FRMPD3: variants seen among roughly 807,000 people sequenced by gnomAD.
FRMPD3 encodes the protein FERM and PDZ domain-containing protein 3.
Under a neutral mutation model 97.9 loss-of-function variants are expected in FRMPD3, and 42 were observed. The ratio of observed to expected loss-of-function variants is 0.43; its 90% CI spans 0.34 to 0.55. The LOEUF (loss-of-function observed/expected upper bound fraction) is 0.55, where lower values mean the gene tolerates loss of function less well. Among genes scored for constraint, FRMPD3 ranks in the 20% least tolerant of loss-of-function variants. FRMPD3 has a pLI of 0.03. For synonymous variants in FRMPD3, 577 were observed against 581.1 expected (o/e 0.99, Z 0.10); for missense variants, 1,303 against 1,457.7 (o/e 0.89, Z 1.73).
chrX:107,484,884 C>T (rs995781595), intron 1 of FRMPD3, among the ~76,000 whole-genome samples: 6 of 112,197 alleles, frequency 5.3e-5, no homozygotes, highest in Admixed American at 3.8e-4. Flanking sequence ...TCGTTTTCCC[C>T]GTGCCTGCTT....
chrX:107,554,455 T>C lies in FRMPD3; in HGVS notation c.713T>C (p.Val238Ala). The C allele has an allele frequency of 8.3e-7, 1 of 1,210,314 alleles. No homozygotes were observed. Among genetic ancestry groups the C allele is most frequent in the Non-Finnish European group, 1.1e-6 (1 of 894,999 alleles). The part of the protein sequence containing the change: ...FRISFFPKDP[V>A]ELLRRDPAAF... ...ATAAGCTTCTTTCCCAAAGACCCTG[T>C]GGAGCTGCTGCGTCGGGATCCTGCT... The change falls in exon 8 of 15, where the codon GTG becomes GCG. Residue 238 changes from valine (V) to alanine (A), a missense_variant. Physicochemically the swap from Val to Ala is moderately conservative, Grantham distance 64. Around this residue, in one of 3 missense-constraint regions of FRMPD3, gnomAD observed 535 missense variants for 618.6 expected, o/e 0.86. Coordinates refer to ENST00000683843, the MANE Select transcript of FRMPD3 (RefSeq NM_001388459.1).
chrX:107,588,026 C>T (rs1287293701), intron 13 of FRMPD3, among the ~76,000 whole-genome samples: 3 of 111,214 alleles, frequency 2.7e-5, no homozygotes, highest in East Asian at 2.8e-4. Flanking sequence ...CCACCCACCT[C>T]GGCCTCCCAA....
At chrX:107,570,938 A>T (rs1292561927) in intron 12 of FRMPD3, among the ~76,000 whole-genome samples, 1 of 111,814 alleles carries the variant, frequency 8.9e-6, no homozygotes, top group African/African-American at 3.3e-5. Context: ...CTCCAACTCC[A>T]TTCTCCTTTC....
At chrX:107,453,652 G>A (rs1288358571) in intron 1 of FRMPD3, among the ~76,000 whole-genome samples, 3 of 112,139 alleles carry the variant, frequency 2.7e-5, no homozygotes, top group Non-Finnish European at 5.6e-5. Flanking sequence ...CTGGGGCTAG[G>A]GGCAAAGGGG....
chrX:107,587,703 T>A (rs1923719176), intron 13 of FRMPD3, among the ~76,000 whole-genome samples: 1 of 112,185 alleles, frequency 8.9e-6, no homozygotes, highest in Admixed American at 9.5e-5. Flanking sequence ...TCTCCTTCAC[T>A]TGTGAAGCTT....
intron 14 of FRMPD3, among the ~76,000 whole-genome samples, chrX:107,599,277 A>G (rs906161508): frequency 1.3e-4 from 14 of 110,584 alleles, no homozygotes; most frequent in Non-Finnish European, 1.1e-4. Context: ...TAAAAAAAAA[A>G]AAGAAGAAAA....
chrX:107,491,083 AC>A (rs1921645283), intron 1 of FRMPD3, among the ~76,000 whole-genome samples: 1 of 111,462 alleles, frequency 9.0e-6, no homozygotes, highest in Non-Finnish European at 1.9e-5. Context: ...CAGGATTGAA[AC>A]CCACGACTAT....
At chrX:107,543,542 C>T (rs1030552068) in intron 4 of FRMPD3, among the ~76,000 whole-genome samples, 7 of 111,079 alleles carry the variant, frequency 6.3e-5, no homozygotes, top group South Asian at 3.8e-4. Flanking sequence ...AGTGGCCGGG[C>T]GCCGTGGCTC....
chrX:107,514,821 C>T (rs368055574), intron 1 of FRMPD3, among the ~76,000 whole-genome samples: 25 of 111,246 alleles, frequency 2.2e-4, no homozygotes, highest in East Asian at 2.0e-3. Flanking sequence ...CCACTGTGCC[C>T]GGTCTTGGAT....
rs776760327 is a variant in FRMPD3 at position 107,576,361 on chromosome X, G to A, written c.1343G>A (p.Cys448Tyr). 1 of 1,210,651 alleles carries A rather than the reference G, an allele frequency of 8.3e-7. No individual in the cohort carries two copies. Among genetic ancestry groups the A allele is most frequent in the Admixed American group, 2.2e-5 (1 of 46,019 alleles). ...TGGCCTGAAGCCACCAACTTTGCCTGCCTGATCGCGGGGTACTGCCGCCTC... is the reference window on the plus strand; with the variant it reads ...TGGCCTGAAGCCACCAACTTTGCCTACCTGATCGCGGGGTACTGCCGCCTC... ...MEWPEATNFA[C>Y]LIAGYCRLLL... Residue 448 changes from cysteine to tyrosine, a missense_variant, in exon 13 of 15, where the codon TGC becomes TAC. Cys to Tyr is a radical substitution (Grantham distance 194). Transcript: ENST00000683843.
At chrX:107,504,724 C>T (rs1921989291) in intron 1 of FRMPD3, among the ~76,000 whole-genome samples, 1 of 111,952 alleles carries the variant, frequency 8.9e-6, no homozygotes, top group Admixed American at 9.5e-5. Context: ...CAAAATAAAG[C>T]ATCCAGCCCC....
intron 1 of FRMPD3, among the ~76,000 whole-genome samples, chrX:107,487,953 T>C (rs1331986131): frequency 8.9e-6 from 1 of 111,933 alleles, no homozygotes; most frequent in Admixed American, 9.4e-5. Flanking sequence ...CATTTAAAGT[T>C]AGCAATCCTG....
chrX:107,554,754 T>A, intron 8 of FRMPD3: 4 of 333,595 alleles, frequency 1.2e-5, no homozygotes, highest in Middle Eastern at 1.7e-3. Context: ...AAACAAGCAA[T>A]CCCAGTAACT....
chrX:107,487,031 G>A (rs184584430), intron 1 of FRMPD3, among the ~76,000 whole-genome samples: 1,199 of 107,078 alleles, frequency 0.011, 24 homozygotes, highest in African/African-American at 0.038. Context: ...GATCACCTGA[G>A]GTCAGGAGTT....
intron 1 of FRMPD3, among the ~76,000 whole-genome samples, chrX:107,498,220 C>T (rs1376666245): frequency 2.7e-5 from 3 of 112,298 alleles, no homozygotes; most frequent in Non-Finnish European, 5.6e-5. Flanking sequence ...GCAGGCTGCT[C>T]CTGGCAAAGG....
chrX:107,560,760 C>G lies in FRMPD3; in HGVS notation c.933C>G (p.Pro311=), dbSNP rs1270101178. 8.6e-7 allele frequency: 1 copy of G among 1,167,895 alleles called. No individual in the cohort carries two copies. Among genetic ancestry groups the G allele is most frequent in the African/African-American group, 1.8e-5 (1 of 55,724 alleles). The change falls in exon 10 of 15, where the codon CCC becomes CCG. Residue 311 remains proline, a synonymous_variant. Transcript: ENST00000683843. ...KEWGLEPFLP[P]SLLQVIKEKN... is the part of the protein sequence containing the mutation. Reference sequence around the variant, plus strand: ...GGGGCCTGGAACCCTTTCTTCCCCCCTCCCTCCTGCAGGTCATCAAAGAGA... The same window carrying G: ...GGGGCCTGGAACCCTTTCTTCCCCCGTCCCTCCTGCAGGTCATCAAAGAGA...
chrX:107,572,749 A>T (rs1471152171), intron 12 of FRMPD3, among the ~76,000 whole-genome samples: 1 of 109,329 alleles, frequency 9.1e-6, no homozygotes, highest in Non-Finnish European at 1.9e-5. Flanking sequence ...AAAAAAAAAT[A>T]AAAAAGCCTT....
At chrX:107,590,570 T>A (rs1341213802) in intron 13 of FRMPD3, among the ~76,000 whole-genome samples, 2 of 112,911 alleles carry the variant, frequency 1.8e-5, no homozygotes, top group Non-Finnish European at 3.7e-5. Context: ...TTATTTATGT[T>A]TTTGTGCATC....
chrX:107,461,811 A>G (rs751511386), intron 1 of FRMPD3, among the ~76,000 whole-genome samples: 1 of 104,374 alleles, frequency 9.6e-6, no homozygotes, highest in African/African-American at 3.6e-5. Context: ...ATACATATAC[A>G]TATACGTGTG....
Sources: gnomAD v4.1 joint callset for allele counts (sites outside exome capture counted in the v4.1 genomes callset) on GRCh38, gnomAD v4.1.1 for gene constraint, gnomAD v4.1.1 regional missense constraint, MANE v1.5 for transcripts, NCBI Gene and HGNC (gene_info 2026-07-23, HGNC 2026-07-21) for gene names.